SENP5: variants seen among roughly 807,000 people sequenced by gnomAD.
SENP5 encodes SUMO specific peptidase 5.
A neutral mutation model predicts 74.2 loss-of-function variants in SENP5; 21 were observed. The ratio of observed to expected loss-of-function variants is 0.28; its 90% CI spans 0.20 to 0.41. The LOEUF (loss-of-function observed/expected upper bound fraction) is 0.41, where lower values mean the gene tolerates loss of function less well. Among genes scored for constraint, SENP5 ranks in the 10% least tolerant of loss-of-function variants. The pLI is 1.00. For missense variants in SENP5, 717 were observed against 889.1 expected (o/e 0.81, Z 2.46); for synonymous variants, 311 against 312.7 (o/e 0.99, Z 0.06).
chr3:196,900,144 A>G lies in SENP5; in HGVS notation c.1758+82A>G. The G allele has an allele frequency of 3.3e-6, 5 of 1,522,346 alleles. No individual in the cohort carries two copies. The East Asian group carries it at 6.8e-5, about 21-fold the overall frequency. 94.3% of individuals were successfully genotyped at this position (1,522,346 alleles called of 1,614,324 possible). On this transcript the variant is annotated intron_variant, in intron 4 of 9. Coordinates refer to ENST00000323460, the MANE Select transcript of SENP5 (RefSeq NM_152699.5). ...AATATAATCTCTAGTTTGGCTTCTC[A>G]GTTGTCTTTTGGAATAAGGATTCTT... is the stretch of plus-strand genomic sequence containing the variant.
chr3:196,875,897 T>G (rs1317618153), intron 1 of SENP5, among the ~76,000 whole-genome samples: 1 of 151,826 alleles, frequency 6.6e-6, no homozygotes, highest in African/African-American at 2.4e-5. Flanking sequence ...TTTTGGCTAT[T>G]TTTTTTGGAG....
chr3:196,928,702 C>T (rs1266600238), intron 8 of SENP5, among the ~76,000 whole-genome samples: 1 of 152,074 alleles, frequency 6.6e-6, no homozygotes, highest in African/African-American at 2.4e-5. Flanking sequence ...TATTAGTTCA[C>T]CCTTGAACCG....
chr3:196,901,857 A>G (rs1218490499), intron 5 of SENP5, among the ~76,000 whole-genome samples: 1 of 152,212 alleles, frequency 6.6e-6, no homozygotes, highest in East Asian at 1.9e-4. Flanking sequence ...CATGGAGTCA[A>G]AAGGACACTT....
chr3:196,912,218 C>T (rs1473636718), intron 6 of SENP5, among the ~76,000 whole-genome samples: 4 of 152,116 alleles, frequency 2.6e-5, no homozygotes, highest in Non-Finnish European at 2.9e-5. Context: ...GTGGTACATA[C>T]GCACCATGGA....
In SENP5 at chr3:196,885,688, G is replaced by A. The variant is rs750302707; in HGVS notation, c.507G>A (p.Lys169=). The A allele has an allele frequency of 1.2e-6, 2 of 1,614,216 alleles. No individual in the cohort carries two copies. The highest frequency in any genetic ancestry group is 3.3e-5 in the Admixed American group (2 of 60,028). ...CACAACCTTCTGACTTTCCCATGAA[G>A]TTCAATGGGGAGAGCCAAAGTCCAG... The part of the protein sequence containing the change: ...TDPQPSDFPM[K]FNGESQSPGE... The change falls in exon 2 of 10, where the codon AAG becomes AAA. Residue 169 remains lysine, a synonymous_variant. Transcript: ENST00000323460.
intron 7 of SENP5, among the ~76,000 whole-genome samples, chr3:196,926,675 G>A (rs1003531272): frequency 2.4e-5 from 3 of 124,326 alleles, no homozygotes; most frequent in African/African-American, 9.3e-5. Flanking sequence ...GTCTCACTCT[G>A]TCCCCTGGGT....
chr3:196,899,704 G>A lies in SENP5; in HGVS notation c.1552G>A (p.Val518Ile), dbSNP rs749712518. 1 of 1,610,990 alleles carries A rather than the reference G, an allele frequency of 6.2e-7. No homozygotes were observed. The highest frequency in any genetic ancestry group is 2.2e-5 in the East Asian group (1 of 44,768). Residue 518 changes from valine (V) to isoleucine (I), a missense_variant, in exon 3 of 10, where the codon GTT becomes ATT. Physicochemically the swap from Val to Ile is conservative, Grantham distance 29. Transcript: ENST00000323460. ...DEVMKKYGSLVPLSEKEVLGR... is the reference protein window; with the variant it reads ...DEVMKKYGSLIPLSEKEVLGR... ...GGTTATGAAGAAGTATGGCAGTTTG[G>A]TTCCACTCAGTGAAAAAGAAGTCCT...
rs758903706 is a variant in SENP5 at position 196,900,018 on chromosome 3, G to T, written c.1714G>T (p.Asp572Tyr). 3 of 1,614,084 alleles carry T rather than the reference G, an allele frequency of 1.9e-6. No individual in the cohort carries two copies. The highest frequency in any genetic ancestry group is 2.5e-6 in the Non-Finnish European group (3 of 1,180,012). Reference sequence around the variant, plus strand: ...CTATAATAAACACATGCTGGATATGGACGACCTGGCGACTCTGGATGGTCA... The same window carrying T: ...CTATAATAAACACATGCTGGATATGTACGACCTGGCGACTCTGGATGGTCA... ...IFYNKHMLDM[D>Y]DLATLDGQNW... The change falls in exon 4 of 10, where the codon GAC (aspartate) becomes TAC (tyrosine). Residue 572 changes from aspartate to tyrosine, a missense_variant. Coordinates refer to ENST00000323460, the MANE Select transcript of SENP5 (RefSeq NM_152699.5).
At chr3:196,898,905 C>T (rs992877572) in intron 2 of SENP5, among the ~76,000 whole-genome samples, 3 of 151,120 alleles carry the variant, frequency 2.0e-5, no homozygotes, top group Non-Finnish European at 3.0e-5. Context: ...TGATTCCATT[C>T]GTCTCTACTA....
At chr3:196,919,325 AC>A (rs1428153210) in intron 6 of SENP5, among the ~76,000 whole-genome samples, 2 of 152,330 alleles carry the variant, frequency 1.3e-5, no homozygotes, top group East Asian at 3.9e-4. Flanking sequence ...CACTAAAAAT[AC>A]AAAAATTAGC....
chr3:196,891,454 C>A (rs1199860711), intron 2 of SENP5, among the ~76,000 whole-genome samples: 1 of 151,960 alleles, frequency 6.6e-6, no homozygotes, highest in African/African-American at 2.4e-5. Flanking sequence ...AATCACATCT[C>A]AATAAAGCTG....
intron 2 of SENP5, among the ~76,000 whole-genome samples, chr3:196,896,923 AGATC>A (rs1560148724): frequency 6.6e-6 from 1 of 152,206 alleles, no homozygotes; most frequent in Non-Finnish European, 1.5e-5. Context: ...TTCTCCTTGA[AGATC>A]GTACCTTGAA....
chr3:196,880,071 G>A (rs1040227792), intron 1 of SENP5, among the ~76,000 whole-genome samples: 30 of 151,806 alleles, frequency 2.0e-4, no homozygotes, highest in Non-Finnish European at 1.0e-4. Flanking sequence ...TCAGCCTCCC[G>A]AGTAGCTGGG....
At chr3:196,907,178 G>A (rs1714934951) in intron 6 of SENP5, among the ~76,000 whole-genome samples, 1 of 152,110 alleles carries the variant, frequency 6.6e-6, no homozygotes, top group South Asian at 2.1e-4. Context: ...AAGCTGTGTA[G>A]ATAATGAACG....
Position 196,926,068 on chromosome 3 carries a change from A to G in SENP5, c.2023-1728A>G, listed in dbSNP as rs1474400111. 2.6e-5 allele frequency among the ~76,000 whole-genome samples: 4 copies of G among 152,130 alleles called. No individual in the cohort carries two copies. The East Asian group carries it at 7.7e-4, about 29-fold the overall frequency. On this transcript the variant is annotated intron_variant, in intron 7 of 9. Transcript: ENST00000323460. The stretch of plus-strand genomic sequence containing the variant: ...ATGTGTAGATTCCATGACAGCAGAG[A>G]CTACAAGAGCTTTATTCACTAGTGT...
At chr3:196,913,647 CTTTTTT>C (rs1229412806) in intron 6 of SENP5, among the ~76,000 whole-genome samples, 7 of 98,084 alleles carry the variant, frequency 7.1e-5, no homozygotes, top group South Asian at 4.3e-4. Flanking sequence ...ATAAGAAAGG[CTTTTTT>C]TTTTTTTTTT....
intron 6 of SENP5, among the ~76,000 whole-genome samples, chr3:196,911,547 A>G (rs1715124928): frequency 1.4e-5 from 2 of 146,406 alleles, no homozygotes; most frequent in African/African-American, 5.0e-5. Flanking sequence ...ACAGAGTGAG[A>G]CTTTGTCTCA....
chr3:196,918,396 CTTT>C (rs34494616), intron 6 of SENP5, among the ~76,000 whole-genome samples: 2 of 141,482 alleles, frequency 1.4e-5, no homozygotes, highest in South Asian at 2.2e-4. Context: ...TTTCTCTTGA[CTTT>C]TTTTTTTTTT....
intron 2 of SENP5, among the ~76,000 whole-genome samples, chr3:196,898,943 G>T (rs919165145): frequency 1.3e-5 from 2 of 152,010 alleles, no homozygotes; most frequent in Non-Finnish European, 2.9e-5. Flanking sequence ...GCCGGGCGTG[G>T]TGGCAGGCGC....
Sources: gnomAD v4.1 joint callset for allele counts (sites outside exome capture counted in the v4.1 genomes callset) on GRCh38, gnomAD v4.1.1 for gene constraint, MANE v1.5 for transcripts, NCBI Gene and HGNC (gene_info 2026-07-23, HGNC 2026-07-21) for gene names.